The following ACADM variants were observed in gnomAD, a reference collection of about 807,000 sequenced individuals.
ACADM encodes medium-chain specific acyl-CoA dehydrogenase, mitochondrial.
Under a neutral mutation model 58.9 loss-of-function variants are expected in ACADM, and 49 were observed. That is an observed-to-expected ratio of 0.83 (90% confidence interval 0.66 to 1.06). ACADM has a LOEUF of 1.06. Among genes scored for constraint, ACADM ranks in the 50% least tolerant of loss-of-function variants. ACADM has a pLI of 0.00. For synonymous variants in ACADM, 160 were observed against 157.7 expected (o/e 1.01, Z -0.11); for missense variants, 496 against 507.0 (o/e 0.98, Z 0.21).
Position 75,745,843 on chromosome 1 carries a change from G to GC in ACADM, c.638dup (p.Pro214SerfsTer3). On this transcript the variant is annotated frameshift_variant, in exon 8 of 12. Coordinates refer to ENST00000370841, the MANE Select transcript of ACADM (RefSeq NM_000016.6). LOFTEE classifies it high-confidence loss of function. ...GGCACGTTCTGATCCAGATCCTAAA[G>GC]CTCCTGCTAATAAAGCCTTTACTGG... The GC allele has an allele frequency of 1.2e-6, 2 of 1,613,922 alleles. No homozygotes were observed. Among genetic ancestry groups the GC allele is most frequent in the Non-Finnish European group, 1.7e-6 (2 of 1,179,928 alleles).
intron 10 of ACADM, among the ~76,000 whole-genome samples, chr1:75,756,742 A>G (rs949404992): frequency 5.9e-5 from 9 of 152,258 alleles, no homozygotes; most frequent in African/African-American, 2.2e-4. Flanking sequence ...AAAAAAGCCC[A>G]CATTGCCCAG....
intron 2 of ACADM, 144 bp from the exon 3 acceptor site, chr1:75,732,500 T>G: frequency 1.4e-6 from 1 of 723,256 alleles, no homozygotes. Context: ...GAACTCTTGA[T>G]TAGTCAAAAA....
At position 75,745,913 on chromosome 1, in the gene ACADM, AG is replaced by A; in HGVS notation, c.708+1del. ...ADTPGIQIGR[K>X]ELNMGQRCSD... ...ACCCCAGGAATTCAGATTGGGAGAA[AG>A]GTAAAGTATTTATTAATGATTAGGG... On this transcript the variant is annotated frameshift_variant and splice_region_variant, in exon 8 of 12. Transcript: ENST00000370841. LOFTEE classifies it high-confidence loss of function. The A allele has an allele frequency of 1.2e-6, 2 of 1,603,142 alleles. No homozygotes were observed. The highest frequency in any genetic ancestry group is 1.7e-6 in the Non-Finnish European group (2 of 1,170,204).
At chr1:75,730,665 T>C (rs570811825) in intron 2 of ACADM, among the ~76,000 whole-genome samples, 8 of 152,064 alleles carry the variant, frequency 5.3e-5, no homozygotes, top group Middle Eastern at 3.4e-3. Flanking sequence ...AATAGGTCCA[T>C]GTCAACCACA....
rs1313316352 is a variant in ACADM at position 75,728,499 on chromosome 1, G to A, written c.118+11G>A. 3 of 1,592,724 alleles carry A rather than the reference G, an allele frequency of 1.9e-6. No individual in the cohort carries two copies. Among genetic ancestry groups the A allele is most frequent in the South Asian group, 2.2e-5 (2 of 90,576 alleles). ...TAGGATTTAGTTTTGGTATATGTTCGGTTCTATCTTTTGACTTTAAACTTA... is the reference window on the plus strand; with the variant it reads ...TAGGATTTAGTTTTGGTATATGTTCAGTTCTATCTTTTGACTTTAAACTTA... On this transcript the variant is annotated intron_variant, in intron 2 of 11. Transcript: ENST00000370841.
intron 5 of ACADM, among the ~76,000 whole-genome samples, chr1:75,733,860 G>GGAGGAA (rs1249609941): frequency 2.0e-5 from 3 of 152,192 alleles, no homozygotes; most frequent in African/African-American, 7.2e-5. Context: ...TCGGAGTTCT[G>GGAGGAA]ACTGTCCTTT....
At chr1:75,748,800 T>A (rs935198476) in intron 8 of ACADM, among the ~76,000 whole-genome samples, 28 of 152,226 alleles carry the variant, frequency 1.8e-4, no homozygotes, top group Non-Finnish European at 3.1e-4. Context: ...TGGTGGTGGT[T>A]ACACACATAT....
At chr1:75,757,657 A>T (rs920543360) in intron 10 of ACADM, among the ~76,000 whole-genome samples, 1 of 152,232 alleles carries the variant, frequency 6.6e-6, no homozygotes, top group Non-Finnish European at 1.5e-5. Context: ...GCAATTTCTC[A>T]AGGATCTAGA....
intron 10 of ACADM, among the ~76,000 whole-genome samples, chr1:75,754,588 T>C (rs1314348606): frequency 1.3e-5 from 2 of 152,232 alleles, no homozygotes; most frequent in African/African-American, 4.8e-5. Flanking sequence ...CACAATTAAA[T>C]AATTGTTTAG....
chr1:75,743,104 G>A (rs1212133337), intron 7 of ACADM, among the ~76,000 whole-genome samples: 3 of 152,166 alleles, frequency 2.0e-5, no homozygotes, highest in Non-Finnish European at 4.4e-5. Flanking sequence ...CCAGCACTAG[G>A]GAGAAGCAAA....
chr1:75,748,441 T>C (rs1259548266), intron 8 of ACADM, among the ~76,000 whole-genome samples: 1 of 152,206 alleles, frequency 6.6e-6, no homozygotes, highest in African/African-American at 2.4e-5. Context: ...CAAATGTTTA[T>C]TGTAATTTTA....
At chr1:75,748,754 C>G (rs1648036386) in intron 8 of ACADM, among the ~76,000 whole-genome samples, 1 of 152,128 alleles carries the variant, frequency 6.6e-6, no homozygotes, top group Non-Finnish European at 1.5e-5. Flanking sequence ...AACAAGGTAA[C>G]TTTTTGGGGT....
chr1:75,729,885 A>ATTTTTTTTT (rs551916973), intron 2 of ACADM, among the ~76,000 whole-genome samples: 1 of 73,872 alleles, frequency 1.4e-5, no homozygotes, highest in African/African-American at 5.6e-5. Flanking sequence ...GGGATGGTGG[A>ATTTTTTTTT]TTTTTTTTTT....
chr1:75,732,237 A>T lies in ACADM; in HGVS notation c.119-407A>T, dbSNP rs1425101675. 2.0e-5 allele frequency among the ~76,000 whole-genome samples: 3 copies of T among 151,930 alleles called. No individual in the cohort carries two copies. In the East Asian group the frequency reaches 5.8e-4, roughly 29 times the overall value. On this transcript the variant is annotated intron_variant, in intron 2 of 11. Coordinates refer to ENST00000370841, the MANE Select transcript of ACADM (RefSeq NM_000016.6). ...TGCTTTATGTCACTGAGTGTGTTTCATCTATTTCGTTAGATTGATTCTTGT... is the reference window on the plus strand; with the variant it reads ...TGCTTTATGTCACTGAGTGTGTTTCTTCTATTTCGTTAGATTGATTCTTGT...
chr1:75,729,288 C>T (rs1051496913), intron 2 of ACADM, among the ~76,000 whole-genome samples: 570 of 51,588 alleles, frequency 0.011, no homozygotes, highest in Middle Eastern at 0.034. Flanking sequence ...TTCTTTCTTT[C>T]TTTTTTCTTT....
At chr1:75,744,035 G>C (rs965379110) in intron 7 of ACADM, 6 of 1,583,140 alleles carry the variant, frequency 3.8e-6, no homozygotes, top group Non-Finnish European at 5.2e-6. Context: ...AAAATTGTCA[G>C]CATTGGCACA....
chr1:75,730,327 T>C (rs555771083), intron 2 of ACADM, among the ~76,000 whole-genome samples: 38 of 152,240 alleles, frequency 2.5e-4, no homozygotes, highest in African/African-American at 9.1e-4. Context: ...ATGAGTTAGA[T>C]ATAATTGTTT....
chr1:75,750,335 T>C, intron 9 of ACADM, 116 bp from the exon 10 acceptor site: 1 of 850,998 alleles, frequency 1.2e-6, no homozygotes, highest in South Asian at 1.5e-5. Context: ...CCCACCAGTT[T>C]CTTGTTGCTG....
chr1:75,751,297 G>A (rs920621172), intron 10 of ACADM, among the ~76,000 whole-genome samples: 3 of 151,450 alleles, frequency 2.0e-5, no homozygotes, highest in Admixed American at 6.6e-5. Context: ...CCAAGATCAC[G>A]CCACTGCACT....
Sources: allele counts gnomAD v4.1 joint callset (sites outside exome capture counted in the v4.1 genomes callset), GRCh38; gene constraint gnomAD v4.1.1; transcripts MANE v1.5; gene names NCBI Gene and HGNC (gene_info 2026-07-23, HGNC 2026-07-21).